Variants in GRAMD1B observed in about 807,000 individuals in gnomAD.
GRAMD1B encodes the protein GRAM domain containing 1B, also known as protein Aster-B.
GRAMD1B carries 37 observed loss-of-function variants against 99.7 expected under a neutral mutation model. The ratio of observed to expected loss-of-function variants is 0.37; its 90% CI spans 0.29 to 0.49. GRAMD1B has a LOEUF of 0.49. GRAMD1B is among the 20% of genes least tolerant of loss of function. The pLI is 0.98. For missense variants in GRAMD1B, 888 were observed against 1,009.2 expected (o/e 0.88, Z 1.63); for synonymous variants, 427 against 387.6 (o/e 1.10, Z -1.19).
chr11:123,386,408 T>C (rs1947058842), intron 1 of GRAMD1B, among the ~76,000 whole-genome samples: 1 of 151,252 alleles, frequency 6.6e-6, no homozygotes, highest in African/African-American at 2.4e-5. Flanking sequence ...TTCTTAGAAT[T>C]TCACTTTGAA....
intron 4 of GRAMD1B, 119 bp from the exon 5 acceptor site, chr11:123,593,963 G>C: frequency 1.4e-6 from 1 of 713,160 alleles, no homozygotes; most frequent in Non-Finnish European, 2.5e-6. Flanking sequence ...GGGTCTGTGG[G>C]AGGGCAGAGC....
rs1002501789 is a variant in GRAMD1B, at chr11:123,625,437, T to G, written c.*2842T>G. The G allele has an allele frequency of 6.6e-6, 1 of 152,226 alleles. No homozygotes were observed. The highest frequency in any genetic ancestry group is 6.5e-5 in the Admixed American group (1 of 15,284). The allele number at this position is 152,226 out of a possible 1,614,324, so 9.4% of individuals were successfully genotyped here. The stretch of plus-strand genomic sequence containing the variant: ...TAGGATCTAAAGTTCCATTACAGCT[T>G]ACTGTGAAAGAATTGACAAGACTGG... On this transcript the variant is annotated 3_prime_UTR_variant, in exon 20 of 20. Transcript: ENST00000635736.
chr11:123,478,400 T>C (rs949287064), intron 1 of GRAMD1B, among the ~76,000 whole-genome samples: 7 of 152,248 alleles, frequency 4.6e-5, no homozygotes, highest in Non-Finnish European at 8.8e-5. Flanking sequence ...TGTAGTTTGA[T>C]ATTTATTTGA....
chr11:123,461,373 C>A (rs1386283253), intron 1 of GRAMD1B, among the ~76,000 whole-genome samples: 2 of 152,190 alleles, frequency 1.3e-5, no homozygotes, highest in Non-Finnish European at 2.9e-5. Flanking sequence ...GCTGGCCGAG[C>A]CCTTGTGATT....
intron 2 of GRAMD1B, among the ~76,000 whole-genome samples, chr11:123,515,928 G>A (rs4936815): frequency 3.3e-5 from 5 of 151,978 alleles, no homozygotes; most frequent in South Asian, 2.1e-4. Flanking sequence ...ACACCACGCC[G>A]GGCTAATTTT....
In GRAMD1B at chr11:123,606,778, C is replaced by T; in HGVS notation, c.1493C>T (p.Ser498Phe). 1.2e-6 allele frequency: 2 copies of T among 1,613,728 alleles called. No homozygotes were observed. The highest frequency in any genetic ancestry group is 1.7e-6 in the Non-Finnish European group (2 of 1,179,706). Residue 498 changes from serine to phenylalanine, a missense_variant, in exon 11 of 20, where the codon TCT becomes TTT. By Grantham distance (155) the Ser-to-Phe change is radical. Around this residue, in one of 5 missense-constraint regions of GRAMD1B, gnomAD observed 269 missense variants for 296.6 expected, o/e 0.91. Transcript: ENST00000635736. The stretch of plus-strand genomic sequence containing the variant: ...GACATCCCCACTGAGCTCAGTGACT[C>T]TTCCGACACACACGATGAAGGTGGG... The part of the protein sequence containing the change: ...NEDIPTELSD[S>F]SDTHDEGEVQ...
chr11:123,510,067 C>T lies in GRAMD1B; in HGVS notation c.452+29174C>T, dbSNP rs1448471867. ...GTGGCTTCACCGGGCGAATTTCTCT[C>T]CTTTTGCATTCTCCACCTTGCCGTG... is the stretch of plus-strand genomic sequence containing the variant. On this transcript the variant is annotated intron_variant, in intron 2 of 19. Coordinates refer to ENST00000635736, the MANE Select transcript of GRAMD1B (RefSeq NM_001387025.1). The surrounding 1 kb of genome is among the most constrained non-coding windows in gnomAD (Gnocchi z 4.3). The T allele has an allele frequency of 6.6e-6, 1 of 152,412 alleles. No homozygotes were observed. The highest frequency in any genetic ancestry group is 2.4e-5 in the African/African-American group (1 of 41,446). 9.4% of individuals were successfully genotyped at this position (152,412 alleles called of 1,614,324 possible).
intron 1 of GRAMD1B, among the ~76,000 whole-genome samples, chr11:123,449,226 G>A (rs977909281): frequency 4.6e-5 from 7 of 152,160 alleles, no homozygotes; most frequent in Non-Finnish European, 8.8e-5. Flanking sequence ...GCATTGTATC[G>A]TTTATTAGAT....
chr11:123,454,021 C>T (rs991695242), intron 1 of GRAMD1B, among the ~76,000 whole-genome samples: 3 of 152,248 alleles, frequency 2.0e-5, no homozygotes, highest in African/African-American at 7.2e-5. Context: ...TCTAGCAAGG[C>T]CAGGGTAAAT....
At chr11:123,575,861 A>G (rs1453455039) in intron 2 of GRAMD1B, among the ~76,000 whole-genome samples, 1 of 152,236 alleles carries the variant, frequency 6.6e-6, no homozygotes, top group Non-Finnish European at 1.5e-5. Context: ...GCCTCCCCCA[A>G]TAACAATTAT....
At chr11:123,563,098 TGTGA>T (rs1565377855) in intron 2 of GRAMD1B, among the ~76,000 whole-genome samples, 1 of 152,144 alleles carries the variant, frequency 6.6e-6, no homozygotes, top group Non-Finnish European at 1.5e-5. Flanking sequence ...GCCATGTTAA[TGTGA>T]GAGTCCAGCA....
chr11:123,547,728 A>C (rs1437354168), intron 2 of GRAMD1B, among the ~76,000 whole-genome samples: 1 of 152,094 alleles, frequency 6.6e-6, no homozygotes, highest in Non-Finnish European at 1.5e-5. Context: ...TTAGACCCAC[A>C]CTGTCTTTAT....
chr11:123,594,888 G>A (rs759230128), intron 6 of GRAMD1B, 50 bp downstream of exon 6: 11 of 929,658 alleles, frequency 1.2e-5, no homozygotes, highest in Non-Finnish European at 1.4e-5. Flanking sequence ...CTATGGCTGA[G>A]CAAGCTGCCC....
Position 123,606,592 on chromosome 11 carries a change from C to T in GRAMD1B, c.1324-17C>T, listed in dbSNP as rs1244526277. 6.2e-7 allele frequency: 1 copy of T among 1,601,262 alleles called. No homozygotes were observed. Among genetic ancestry groups the T allele is most frequent in the African/African-American group, 1.3e-5 (1 of 74,734 alleles). On this transcript the variant is annotated splice_polypyrimidine_tract_variant and intron_variant, in intron 10 of 19. Coordinates refer to ENST00000635736, the MANE Select transcript of GRAMD1B (RefSeq NM_001387025.1). ...ACCAGGTTTCCCTGGTGGGTGACTC[C>T]TCTGTCTTGGCTCCAGTTTGATGGG...
intron 10 of GRAMD1B, 41 bp from the exon 11 acceptor site, chr11:123,606,568 C>T: frequency 6.4e-7 from 1 of 1,550,524 alleles, no homozygotes; most frequent in Non-Finnish European, 8.8e-7. Context: ...TAGATCCAGA[C>T]CAGGTTTCCC....
intron 2 of GRAMD1B, among the ~76,000 whole-genome samples, chr11:123,544,756 G>A (rs140157980): frequency 2.4e-4 from 36 of 152,362 alleles, no homozygotes; most frequent in Non-Finnish European, 4.6e-4. Context: ...AAAGGGCATT[G>A]CCACCAGGGC....
chr11:123,593,897 A>T (rs1950955549), intron 4 of GRAMD1B, among the ~76,000 whole-genome samples, 185 bp from the exon 5 acceptor site: 1 of 151,970 alleles, frequency 6.6e-6, no homozygotes, highest in African/African-American at 2.4e-5. Context: ...CCAGCACCAG[A>T]TTCTCCCCAC....
At chr11:123,423,336 A>C (rs1591491184) in intron 1 of GRAMD1B, among the ~76,000 whole-genome samples, 4 of 141,768 alleles carry the variant, frequency 2.8e-5, no homozygotes, top group Admixed American at 7.1e-5. Context: ...TCTCCCCTCC[A>C]CTCCCCTCCT....
At chr11:123,373,435 G>A (rs1389034121) in intron 1 of GRAMD1B, among the ~76,000 whole-genome samples, 2 of 152,148 alleles carry the variant, frequency 1.3e-5, no homozygotes, top group African/African-American at 4.8e-5. Context: ...TAGAACTCTG[G>A]CGTTCCCTTT....
Sources: gnomAD v4.1 joint callset for allele counts (sites outside exome capture counted in the v4.1 genomes callset) on GRCh38, gnomAD v4.1.1 for gene constraint, gnomAD v4.1.1 regional missense constraint, Gnocchi (gnomAD v3.1) non-coding constraint, MANE v1.5 for transcripts, NCBI Gene and HGNC (gene_info 2026-07-23, HGNC 2026-07-21) for gene names.